HSD11B1: variants seen among roughly 807,000 people sequenced by gnomAD.
HSD11B1 encodes the protein hydroxysteroid 11-beta dehydrogenase 1.
In HSD11B1, 15 loss-of-function variants were observed where a neutral mutation model predicts 22.1. The observed-to-expected ratio is 0.68, with a 90% confidence interval of 0.45 to 1.04. The LOEUF (loss-of-function observed/expected upper bound fraction) is 1.04. Ranked by LOEUF, HSD11B1 falls within the 50% of genes least tolerant of loss-of-function variation. The pLI is 0.00. For missense variants in HSD11B1, 281 were observed against 357.6 expected (o/e 0.79, Z 1.73); for synonymous variants, 122 against 125.2 (o/e 0.97, Z 0.17).
At chr1:209,690,706 A>G (rs899637183) in intron 1 of HSD11B1, among the ~76,000 whole-genome samples, 54 of 152,236 alleles carry the variant, frequency 3.5e-4, no homozygotes, top group African/African-American at 1.3e-3. Context: ...TCAAAAAATT[A>G]ATTAATTAAT....
intron 4 of HSD11B1, among the ~76,000 whole-genome samples, chr1:209,712,915 G>A (rs34148285): frequency 0.085 from 12,987 of 152,144 alleles, 760 homozygotes; most frequent in South Asian, 0.14. Flanking sequence ...CGGGCGAGGT[G>A]GTGGGTGCCT....
intron 4 of HSD11B1, among the ~76,000 whole-genome samples, chr1:209,729,491 A>G (rs2102399550): frequency 6.6e-6 from 1 of 152,208 alleles, no homozygotes; most frequent in South Asian, 2.1e-4. Context: ...CTTCTATCTA[A>G]ACTATCTAAA....
intron 4 of HSD11B1, among the ~76,000 whole-genome samples, chr1:209,716,069 G>T (rs1039447840): frequency 4.6e-5 from 7 of 152,118 alleles, no homozygotes; most frequent in Non-Finnish European, 8.8e-5. Flanking sequence ...AACACAGTAC[G>T]AGAAGTCCTA....
intron 4 of HSD11B1, among the ~76,000 whole-genome samples, chr1:209,726,482 TG>T (rs1351192373): frequency 6.6e-6 from 1 of 152,056 alleles, no homozygotes; most frequent in Non-Finnish European, 1.5e-5. Flanking sequence ...GGCATGCATC[TG>T]TAATCCCAGC....
chr1:209,721,956 A>G (rs2076969697), intron 4 of HSD11B1, among the ~76,000 whole-genome samples: 1 of 152,216 alleles, frequency 6.6e-6, no homozygotes, highest in African/African-American at 2.4e-5. Flanking sequence ...GGCCCCTCTC[A>G]TATGGCTTAA....
At chr1:209,715,140 T>G (rs1295540244) in intron 4 of HSD11B1, among the ~76,000 whole-genome samples, 1 of 152,156 alleles carries the variant, frequency 6.6e-6, no homozygotes, top group Non-Finnish European at 1.5e-5. Flanking sequence ...ATTAATCACA[T>G]AAGTAATACA....
At chr1:209,692,588 G>A (rs1452460162) in intron 1 of HSD11B1, among the ~76,000 whole-genome samples, 3 of 120,700 alleles carry the variant, frequency 2.5e-5, no homozygotes, top group East Asian at 2.7e-4. Context: ...AGAGATCAAG[G>A]AATCGGGTAT....
chr1:209,734,654 A>G lies in HSD11B1; in HGVS notation c.*133A>G, dbSNP rs2077056509. The G allele has an allele frequency of 5.4e-6, 4 of 734,802 alleles. No homozygotes were observed. Among genetic ancestry groups the G allele is most frequent in the Non-Finnish European group, 9.6e-6 (4 of 416,170 alleles). 45.5% of individuals were successfully genotyped at this position (734,802 alleles called of 1,614,324 possible). A position where few individuals can be genotyped will look rare whatever the true frequency, so the allele number is the denominator to read the frequency against. On this transcript the variant is annotated 3_prime_UTR_variant, in exon 6 of 6. Coordinates refer to ENST00000367027, the MANE Select transcript of HSD11B1 (RefSeq NM_005525.4). The stretch of plus-strand genomic sequence containing the variant: ...TGCAAGTCATGGGTCACACCTGACA[A>G]ATGGAAGGAGTTCCTCTAACATTTG...
intron 4 of HSD11B1, among the ~76,000 whole-genome samples, chr1:209,710,135 A>T (rs2236903): frequency 0.39 from 59,561 of 152,142 alleles, 15,056 homozygotes; most frequent in African/African-American, 0.7. Context: ...ATACTTGAAT[A>T]TGACTAAAAA....
intron 1 of HSD11B1, among the ~76,000 whole-genome samples, chr1:209,699,505 T>TTACCTCCCCCAGG: frequency 6.6e-6 from 1 of 151,976 alleles, no homozygotes; most frequent in East Asian, 1.9e-4. Context: ...CATGATTCAA[T>TTACCTCCCCCAGG]TACCTCCCCC....
intron 4 of HSD11B1, among the ~76,000 whole-genome samples, chr1:209,721,114 C>T (rs1388962379): frequency 6.6e-6 from 1 of 152,188 alleles, no homozygotes; most frequent in Non-Finnish European, 1.5e-5. Flanking sequence ...AAGCACTCTC[C>T]CTCAGAGTCT....
At chr1:209,704,602 T>C (rs1457672569), upstream of HSD11B1, among the ~76,000 whole-genome samples, 2 of 152,110 alleles carry the variant, frequency 1.3e-5, no homozygotes, top group East Asian at 1.9e-4. Context: ...CTGGCGTAAA[T>C]GGTGTTAAGA....
At chr1:209,733,474 T>C (rs12060420) in intron 5 of HSD11B1, among the ~76,000 whole-genome samples, 2 of 151,972 alleles carry the variant, frequency 1.3e-5, no homozygotes, top group Non-Finnish European at 2.9e-5. Context: ...TCCAGGAACA[T>C]AAAAAGAACA....
At chr1:209,707,778 A>G (rs1213454030) in intron 4 of HSD11B1, among the ~76,000 whole-genome samples, 2 of 152,224 alleles carry the variant, frequency 1.3e-5, no homozygotes, top group Non-Finnish European at 2.9e-5. Flanking sequence ...CCTAGTCACA[A>G]TGGATAAAAA....
rs992433972 is a variant in HSD11B1, at chr1:209,706,627, A to T, written c.220-82A>T. On this transcript the variant is annotated intron_variant, in intron 2 of 5. Transcript: ENST00000367027. This position sits in a 1 kb window ranked among gnomAD's most constrained non-coding sequence, Gnocchi z 4.0. ...TAAACAGGGCTGTGAGCAATCTCTC[A>T]TTTAAGCCCCCCGTTACTTCAGAGA... 7 of 901,920 alleles carry T rather than the reference A, an allele frequency of 7.8e-6. No homozygotes were observed. The highest frequency in any genetic ancestry group is 3.3e-4 in the Middle Eastern group (1 of 3,032). 55.9% of individuals were successfully genotyped at this position (901,920 alleles called of 1,614,324 possible).
intron 4 of HSD11B1, among the ~76,000 whole-genome samples, chr1:209,719,651 C>T (rs572071139): frequency 2.6e-5 from 4 of 152,200 alleles, no homozygotes; most frequent in East Asian, 1.9e-4. Context: ...AGTGAGAACG[C>T]GCAATGTTTG....
At position 209,734,416 on chromosome 1, in the gene HSD11B1, T is replaced by C. The variant is rs2077054890; in HGVS notation, c.774T>C (p.Tyr258=). The change falls in exon 6 of 6, where the codon TAT becomes TAC. Residue 258 remains tyrosine (Y), a synonymous_variant. Coordinates refer to ENST00000367027, the MANE Select transcript of HSD11B1 (RefSeq NM_005525.4). ...GGALRQEEVY[Y]DSSLWTTLLI... is the part of the protein sequence containing the mutation. ...CTCTGCGCCAAGAAGAAGTGTATTA[T>C]GACAGCTCACTCTGGACCACTCTTC... The C allele has an allele frequency of 6.2e-7, 1 of 1,614,052 alleles. No homozygotes were observed. Among genetic ancestry groups the C allele is most frequent in the Admixed American group, 1.7e-5 (1 of 59,992 alleles).
intron 4 of HSD11B1, among the ~76,000 whole-genome samples, chr1:209,731,960 G>T (rs1468455871): frequency 1.3e-5 from 2 of 152,168 alleles, no homozygotes; most frequent in Non-Finnish European, 1.5e-5. Context: ...GCCCACCTCG[G>T]CCTCCCAAAG....
In HSD11B1 at chr1:209,706,749, A is replaced by G; in HGVS notation, c.260A>G (p.His87Arg). 6.2e-7 allele frequency: 1 copy of G among 1,614,022 alleles called. No individual in the cohort carries two copies. The highest frequency in any genetic ancestry group is 2.2e-5 in the East Asian group (1 of 44,866). Residue 87 changes from histidine to arginine, a missense_variant, in exon 3 of 6, where the codon CAC becomes CGC. Coordinates refer to ENST00000367027, the MANE Select transcript of HSD11B1 (RefSeq NM_005525.4). This position sits in a 1 kb window ranked among gnomAD's most constrained non-coding sequence, Gnocchi z 4.0. The part of the protein sequence containing the change: ...HCLELGAASA[H>R]YIAGTMEDMT... ...CTGGAGCTTGGAGCAGCCTCAGCACACTACATTGCTGGCACCATGGAAGAC... is the reference window on the plus strand; with the variant it reads ...CTGGAGCTTGGAGCAGCCTCAGCACGCTACATTGCTGGCACCATGGAAGAC...
Sources: gnomAD v4.1 joint callset for allele counts (sites outside exome capture counted in the v4.1 genomes callset) on GRCh38, gnomAD v4.1.1 for gene constraint, Gnocchi (gnomAD v3.1) non-coding constraint, MANE v1.5 for transcripts, NCBI Gene and HGNC (gene_info 2026-07-23, HGNC 2026-07-21) for gene names.